The following HAO2 variants were observed in gnomAD, a reference collection of about 807,000 sequenced individuals.
The protein encoded by HAO2 is hydroxyacid oxidase 2, also known as 2-Hydroxyacid oxidase 2.
In HAO2, 42 loss-of-function variants were observed where a neutral mutation model predicts 37.4. That is an observed-to-expected ratio of 1.12 (90% CI 0.88 to 1.45). The LOEUF (loss-of-function observed/expected upper bound fraction) is 1.45, where lower values mean the gene tolerates loss of function less well. Among genes scored for constraint, HAO2 ranks in the 40% most tolerant of loss-of-function variants. The pLI, the probability that HAO2 is intolerant of heterozygous loss-of-function variation, is 0.00. For synonymous variants in HAO2, 180 were observed against 162.8 expected (o/e 1.11, Z -0.81); for missense variants, 476 against 430.2 (o/e 1.11, Z -0.94).
intron 3 of HAO2, among the ~76,000 whole-genome samples, chr1:119,384,285 TAAAG>T (rs1294002509): frequency 6.6e-6 from 1 of 152,168 alleles, no homozygotes; most frequent in Non-Finnish European, 1.5e-5. Context: ...ATTTTACAGA[TAAAG>T]AAAATGAGAG....
At chr1:119,392,012 G>A (rs1477043289) in intron 5 of HAO2, 98 bp from the exon 6 acceptor site, 96 of 1,033,314 alleles carry the variant, frequency 9.3e-5, no homozygotes, top group Admixed American at 7.2e-5. Flanking sequence ...ATTGTCAAGG[G>A]CGTCTCCTCA....
rs587609666 is a variant in HAO2, at chr1:119,380,966, G to A, written c.-8-112G>A. ...AACTCTGTTAAGATAAGAATACAGG[G>A]AGACCAATGTTGAATCCAAACAATT... On this transcript the variant is annotated intron_variant, in intron 1 of 7. Transcript: ENST00000325945. 1.2e-4 allele frequency: 106 copies of A among 901,760 alleles called. No homozygotes were observed. In the African/African-American group the frequency reaches 1.4e-3, roughly 12 times the overall value. The allele number at this position is 901,760 out of a possible 1,614,324, so 55.9% of individuals were successfully genotyped here.
In HAO2 at chr1:119,386,652, C is replaced by A. The variant is rs1650403786; in HGVS notation, c.592C>A (p.Pro198Thr). 6.2e-7 allele frequency: 1 copy of A among 1,611,690 alleles called. No individual in the cohort carries two copies. The highest frequency in any genetic ancestry group is 1.1e-5 in the South Asian group (1 of 91,002). The part of the protein sequence containing the change: ...GNAIPYFQMT[P>T]ISTSLCWNDL... ...TGCAATACCTTATTTCCAGATGACT[C>A]CTATCAGCACTTCTCTCTGCTGGAA... Residue 198 changes from proline (P) to threonine (T), a missense_variant, in exon 5 of 8, where the codon CCT becomes ACT. By Grantham distance (38) the Pro-to-Thr change is conservative. Coordinates refer to ENST00000325945, the MANE Select transcript of HAO2 (RefSeq NM_016527.4).
At chr1:119,369,332 T>C (rs1648772753) in intron 1 of HAO2, among the ~76,000 whole-genome samples, 1 of 152,144 alleles carries the variant, frequency 6.6e-6, no homozygotes, top group Non-Finnish European at 1.5e-5. Flanking sequence ...AGTAAAGAAG[T>C]TAATGTGTCT....
At chr1:119,388,301 C>G (rs1461293783) in intron 5 of HAO2, among the ~76,000 whole-genome samples, 1 of 152,156 alleles carries the variant, frequency 6.6e-6, no homozygotes, top group Non-Finnish European at 1.5e-5. Flanking sequence ...AGAATATAGG[C>G]TTTTGAAAGA....
At chr1:119,371,719 A>G (rs1649030029) in intron 1 of HAO2, among the ~76,000 whole-genome samples, 1 of 152,240 alleles carries the variant, frequency 6.6e-6, no homozygotes, top group Non-Finnish European at 1.5e-5. Flanking sequence ...GAACATTTCC[A>G]CAAGGATTAA....
chr1:119,384,911 A>T lies in HAO2; in HGVS notation c.419A>T (p.Gln140Leu), dbSNP rs763821373. ...YVHPDLQLNK[Q>L]LIQRVESLGF... Reference sequence around the variant, plus strand: ...CATCCAGACCTGCAGCTGAACAAACAGTTGATCCAGAGGGTAGAATCCCTA... The same window carrying T: ...CATCCAGACCTGCAGCTGAACAAACTGTTGATCCAGAGGGTAGAATCCCTA... The change falls in exon 4 of 8, where the codon CAG becomes CTG. Residue 140 changes from glutamine to leucine, a missense_variant. Physicochemically the swap from Gln to Leu is moderately radical, Grantham distance 113. Coordinates refer to ENST00000325945, the MANE Select transcript of HAO2 (RefSeq NM_016527.4). 1 of 1,614,064 alleles carries T rather than the reference A, an allele frequency of 6.2e-7. No individual in the cohort carries two copies. The highest frequency in any genetic ancestry group is 8.5e-7 in the Non-Finnish European group (1 of 1,179,908).
chr1:119,387,056 T>A (rs56250341), intron 5 of HAO2, among the ~76,000 whole-genome samples: 558 of 152,318 alleles, frequency 3.7e-3, no homozygotes, highest in African/African-American at 0.013. Flanking sequence ...CTAAGTCTCA[T>A]GCCAATGCTG....
At position 119,381,182 on chromosome 1, in the gene HAO2, A is replaced by C. The variant is rs760641051; in HGVS notation, c.97A>C (p.Ile33Leu). 6.2e-7 allele frequency: 1 copy of C among 1,610,944 alleles called. No homozygotes were observed. The highest frequency in any genetic ancestry group is 8.5e-7 in the Non-Finnish European group (1 of 1,177,106). ...TATTGAAGGTGGAGCAGATGACAGC[A>C]TCACGCGGGATGACAACATTGCAGC... ...DFIEGGADDS[I>L]TRDDNIAAFK... Residue 33 changes from isoleucine (I) to leucine (L), a missense_variant, in exon 2 of 8, where the codon ATC becomes CTC. Coordinates refer to ENST00000325945, the MANE Select transcript of HAO2 (RefSeq NM_016527.4).
At chr1:119,389,713 T>C (rs903377398) in intron 5 of HAO2, among the ~76,000 whole-genome samples, 2 of 152,046 alleles carry the variant, frequency 1.3e-5, no homozygotes, top group Non-Finnish European at 2.9e-5. Context: ...GTATAGATTT[T>C]GAAGGTTTTC....
intron 1 of HAO2, among the ~76,000 whole-genome samples, chr1:119,371,162 A>C (rs1427351069): frequency 2.0e-5 from 3 of 152,186 alleles, no homozygotes; most frequent in Non-Finnish European, 4.4e-5. Flanking sequence ...CCATACCAGT[A>C]ACACTCCATA....
Position 119,392,247 on chromosome 1 carries a change from C to T in HAO2, c.909C>T (p.Ile303=), listed in dbSNP as rs1650971659. 6.2e-7 allele frequency: 1 copy of T among 1,612,260 alleles called. No homozygotes were observed. Among genetic ancestry groups the T allele is most frequent in the Non-Finnish European group, 8.5e-7 (1 of 1,179,128 alleles). Residue 303 remains isoleucine (I), a synonymous_variant, in exon 6 of 8, where the codon ATC becomes ATT. Coordinates refer to ENST00000325945, the MANE Select transcript of HAO2 (RefSeq NM_016527.4). ...GAKCIFLGRP[I]LWGLACKGEH... is the part of the protein sequence containing the mutation. The stretch of plus-strand genomic sequence containing the variant: ...AGTGCATTTTTCTTGGGAGACCAAT[C>T]CTATGGGGCCTTGCCTGCAAGGTGA...
chr1:119,376,204 C>A (rs58516954), intron 1 of HAO2, among the ~76,000 whole-genome samples: 5,841 of 152,142 alleles, frequency 0.038, 349 homozygotes, highest in African/African-American at 0.13. Flanking sequence ...GGGTAAATAC[C>A]GCCATTCCAA....
rs1205381823 is a variant in HAO2, at chr1:119,392,261, C to T, written c.923C>T (p.Ala308Val). ...FLGRPILWGL[A>V]CKGEHGVKEV... Reference sequence around the variant, plus strand: ...GGGAGACCAATCCTATGGGGCCTTGCCTGCAAGGTGAGAGTGGCAAAGCAA... The same window carrying T: ...GGGAGACCAATCCTATGGGGCCTTGTCTGCAAGGTGAGAGTGGCAAAGCAA... The change falls in exon 6 of 8, where the codon GCC (alanine) becomes GTC (valine). Residue 308 changes from alanine to valine, a missense_variant. Coordinates refer to ENST00000325945, the MANE Select transcript of HAO2 (RefSeq NM_016527.4). 6.2e-7 allele frequency: 1 copy of T among 1,609,726 alleles called. No homozygotes were observed. The highest frequency in any genetic ancestry group is 8.5e-7 in the Non-Finnish European group (1 of 1,177,868).
intron 5 of HAO2, among the ~76,000 whole-genome samples, chr1:119,389,006 A>T (rs1037171847): frequency 1.1e-4 from 16 of 149,478 alleles, no homozygotes; most frequent in African/African-American, 3.9e-4. Context: ...GCTCCCACTT[A>T]TGAGTGAGAA....
In HAO2 at chr1:119,383,085, T is replaced by TC. The variant is rs764676970; in HGVS notation, c.283+20dup. 1 of 1,594,754 alleles carries TC rather than the reference T, an allele frequency of 6.3e-7. No homozygotes were observed. The highest frequency in any genetic ancestry group is 8.6e-7 in the Non-Finnish European group (1 of 1,167,472). On this transcript the variant is annotated intron_variant, in intron 3 of 7. Coordinates refer to ENST00000325945, the MANE Select transcript of HAO2 (RefSeq NM_016527.4). ...GCAAGAGGTATGAACCATCCCCACC[T>TC]CGAGGCTCCTTTCCGGGAGGAGGTG...
chr1:119,383,907 C>T (rs1650169614), intron 3 of HAO2, among the ~76,000 whole-genome samples: 1 of 152,028 alleles, frequency 6.6e-6, no homozygotes, highest in Admixed American at 6.6e-5. Context: ...TATTAATATC[C>T]TATATGAATG....
chr1:119,381,701 C>T (rs749065037), intron 2 of HAO2, among the ~76,000 whole-genome samples: 3 of 152,116 alleles, frequency 2.0e-5, no homozygotes, highest in South Asian at 2.1e-4. Flanking sequence ...GATGGAGCAT[C>T]GGTCAACCAA....
At chr1:119,387,961 C>A (rs75032749) in intron 5 of HAO2, among the ~76,000 whole-genome samples, 17 of 152,176 alleles carry the variant, frequency 1.1e-4, no homozygotes, top group Non-Finnish European at 2.2e-4. Context: ...CTCCTCTGCA[C>A]CAGCTCTAAC....
Sources: gnomAD v4.1 joint callset for allele counts (sites outside exome capture counted in the v4.1 genomes callset) on GRCh38, gnomAD v4.1.1 for gene constraint, MANE v1.5 for transcripts, NCBI Gene and HGNC (gene_info 2026-07-23, HGNC 2026-07-21) for gene names.